Variants in RIPK2 observed in about 807,000 individuals in gnomAD.
RIPK2 encodes receptor-interacting serine/threonine-protein kinase 2.
A neutral mutation model predicts 60.9 loss-of-function variants in RIPK2; 38 were observed. The observed-to-expected ratio is 0.62, with a 90% confidence interval of 0.48 to 0.82. The LOEUF (loss-of-function observed/expected upper bound fraction) is 0.82. Among genes scored for constraint, RIPK2 ranks in the 40% least tolerant of loss-of-function variants. The probability of loss-of-function intolerance (pLI) is 0.00; values close to 1 mark genes in which losing one functional copy is unlikely to be tolerated. For missense variants in RIPK2, 518 were observed against 647.0 expected, an observed-to-expected ratio of 0.80 and a Z score of 2.16; for synonymous variants, 225 against 223.4, an observed-to-expected ratio of 1.01 and a Z score of -0.06.
In RIPK2 at chr8:89,772,651, C is replaced by CT; in HGVS notation, c.692-15dup. ...ATAATATATTACTAATGAATGCAAT[C>CT]TATTTGTTTTGACAGATGTCACCAA... On this transcript the variant is annotated splice_polypyrimidine_tract_variant and intron_variant, in intron 5 of 10. Transcript: ENST00000220751. The CT allele has an allele frequency of 6.4e-7, 1 of 1,555,638 alleles. No individual in the cohort carries two copies. The highest frequency in any genetic ancestry group is 1.4e-5 in the African/African-American group (1 of 73,150).
intron 4 of RIPK2, 65 bp from the exon 5 acceptor site, chr8:89,771,676 C>T (rs1472532641): frequency 9.4e-7 from 1 of 1,060,806 alleles, no homozygotes; most frequent in African/African-American, 1.6e-5. Context: ...AAAAATAGTG[C>T]TATTTTAGTT....
rs768408583 is a variant in RIPK2 at position 89,790,170 on chromosome 8, G to A, written c.1377G>A (p.Ser459=). The part of the protein sequence containing the change: ...NQMTEACLNQ[S]LDALLSRDLI... Reference sequence around the variant, plus strand: ...TGACAGAAGCCTGCCTTAACCAGTCGCTAGATGCCCTTCTGTCCAGGGACT... The same window carrying A: ...TGACAGAAGCCTGCCTTAACCAGTCACTAGATGCCCTTCTGTCCAGGGACT... The change falls in exon 11 of 11, where the codon TCG becomes TCA. Residue 459 remains serine, a synonymous_variant. Coordinates refer to ENST00000220751, the MANE Select transcript of RIPK2 (RefSeq NM_003821.6). The A allele has an allele frequency of 1.4e-5, 23 of 1,613,884 alleles. 1 individual carries two copies. In the South Asian group the frequency reaches 1.5e-4, roughly 11 times the overall value.
Position 89,790,617 on chromosome 8 carries a change from T to C in RIPK2, c.*201T>C, listed in dbSNP as rs1809662008. 1 of 444,230 alleles carries C rather than the reference T, an allele frequency of 2.3e-6. No homozygotes were observed. Among genetic ancestry groups the C allele is most frequent in the South Asian group, 4.4e-5 (1 of 22,540 alleles). The allele number at this position is 444,230 out of a possible 1,614,324, so 27.5% of individuals were successfully genotyped here. On this transcript the variant is annotated 3_prime_UTR_variant, in exon 11 of 11. Transcript: ENST00000220751. Reference sequence around the variant, plus strand: ...TTTGAATTTTGCTACATAGTTCAATTTTTATGTCTCTTTTGTTAACAGAAA... The same window carrying C: ...TTTGAATTTTGCTACATAGTTCAATCTTTATGTCTCTTTTGTTAACAGAAA...
Position 89,784,080 on chromosome 8 carries a change from T to C in RIPK2, c.970T>C (p.Cys324Arg). ...GAGTGTTTCAAGTGCCATTCACCTA[T>C]GTGACAAGAAGAAAATGGAATTATC... Reference protein sequence around the residue: ...LQSVSSAIHLCDKKKMELSLN... With the variant: ...LQSVSSAIHLRDKKKMELSLN... Residue 324 changes from cysteine to arginine, a missense_variant, in exon 8 of 11, where the codon TGT becomes CGT. Around this residue, in one of 3 missense-constraint regions of RIPK2, gnomAD observed 448 missense variants for 534.7 expected, o/e 0.84. Transcript: ENST00000220751. The C allele has an allele frequency of 6.3e-7, 1 of 1,581,094 alleles. No individual in the cohort carries two copies.
chr8:89,759,964 C>T (rs1333506778), intron 1 of RIPK2, among the ~76,000 whole-genome samples: 1 of 152,184 alleles, frequency 6.6e-6, no homozygotes, highest in Non-Finnish European at 1.5e-5. Context: ...AAATTCTTCA[C>T]TGAATTGGGT....
intron 6 of RIPK2, among the ~76,000 whole-genome samples, chr8:89,779,519 A>G (rs1411946011): frequency 6.6e-6 from 1 of 151,782 alleles, no homozygotes; most frequent in African/African-American, 2.4e-5. Context: ...ACGGGGTTTC[A>G]CTGTGTTAGC....
At chr8:89,758,305 C>T in intron 1 of RIPK2, 72 bp downstream of exon 1, 2 of 1,443,036 alleles carry the variant, frequency 1.4e-6, no homozygotes, top group African/African-American at 1.4e-5. Flanking sequence ...GACAAGCGGG[C>T]TCTAGAGCCC....
chr8:89,785,161 T>C (rs528735468), intron 8 of RIPK2, among the ~76,000 whole-genome samples: 19 of 152,272 alleles, frequency 1.2e-4, no homozygotes, highest in African/African-American at 4.1e-4. Flanking sequence ...TCTGACCTCA[T>C]ATGATAGGTC....
At position 89,786,670 on chromosome 8, in the gene RIPK2, C is replaced by G. The variant is rs753995384; in HGVS notation, c.1107C>G (p.Asp369Glu). The G allele has an allele frequency of 4.4e-6, 7 of 1,576,954 alleles. No individual in the cohort carries two copies. The highest frequency in any genetic ancestry group is 6.1e-6 in the Non-Finnish European group (7 of 1,152,112). The change falls in exon 9 of 11, where the codon GAC (aspartate) becomes GAG (glutamate). Residue 369 changes from aspartate to glutamate, a missense_variant. Asp to Glu is a conservative substitution (Grantham distance 45, BLOSUM62 2). Around this residue, in one of 3 missense-constraint regions of RIPK2, gnomAD observed 448 missense variants for 534.7 expected, o/e 0.84. Coordinates refer to ENST00000220751, the MANE Select transcript of RIPK2 (RefSeq NM_003821.6). ...ETSRSLPAPQ[D>E]NDFLSRKAQD... is the part of the protein sequence containing the mutation. The stretch of plus-strand genomic sequence containing the variant: ...CAAGGTCCCTGCCAGCTCCTCAAGA[C>G]AATGATTTTTTATCTAGTATGTAGA...
chr8:89,788,778 A>T (rs1426922386), intron 9 of RIPK2, among the ~76,000 whole-genome samples: 2 of 151,642 alleles, frequency 1.3e-5, no homozygotes, highest in Non-Finnish European at 2.9e-5. Flanking sequence ...AACTCCATCT[A>T]AGAAAGAGAG....
chr8:89,790,467 C>T lies in RIPK2; in HGVS notation c.*51C>T, dbSNP rs1809659183. 1 of 1,334,840 alleles carries T rather than the reference C, an allele frequency of 7.5e-7. No homozygotes were observed. The highest frequency in any genetic ancestry group is 2.4e-5 in the Admixed American group (1 of 41,276). 82.7% of individuals were successfully genotyped at this position (1,334,840 alleles called of 1,614,324 possible). On this transcript the variant is annotated 3_prime_UTR_variant, in exon 11 of 11. Transcript: ENST00000220751. Reference sequence around the variant, plus strand: ...GTTTCATAAAAGGATATTTATATCTCTGTTGCTTTGACTTTTTTTATATAA... The same window carrying T: ...GTTTCATAAAAGGATATTTATATCTTTGTTGCTTTGACTTTTTTTATATAA...
At chr8:89,780,249 A>G (rs1241956734) in intron 7 of RIPK2, 89 bp downstream of exon 7, 5 of 668,690 alleles carry the variant, frequency 7.5e-6, no homozygotes, top group Non-Finnish European at 1.3e-5. Flanking sequence ...AGTTTTTAAT[A>G]TATATACTTT....
At chr8:89,778,003 C>T (rs1451170406) in intron 6 of RIPK2, among the ~76,000 whole-genome samples, 2 of 151,932 alleles carry the variant, frequency 1.3e-5, no homozygotes, top group Admixed American at 6.6e-5. Context: ...CCAGAGTAAG[C>T]ACAAGATGCC....
intron 2 of RIPK2, among the ~76,000 whole-genome samples, chr8:89,763,191 AT>A (rs1809174233): frequency 6.6e-6 from 1 of 152,118 alleles, no homozygotes; most frequent in Non-Finnish European, 1.5e-5. Flanking sequence ...ACTCTAGATT[AT>A]TTTGCCTGGG....
At chr8:89,776,847 AAAC>A (rs1216631047) in intron 6 of RIPK2, among the ~76,000 whole-genome samples, 1 of 152,198 alleles carries the variant, frequency 6.6e-6, no homozygotes, top group Non-Finnish European at 1.5e-5. Flanking sequence ...CTCCTGCCTG[AAAC>A]AACCAAAAAA....
chr8:89,789,112 G>C (rs1809632918), intron 9 of RIPK2, among the ~76,000 whole-genome samples: 1 of 152,154 alleles, frequency 6.6e-6, no homozygotes, highest in Admixed American at 6.5e-5. Context: ...GACAATTTCT[G>C]ACAGAAATTG....
In RIPK2 at chr8:89,771,935, A is replaced by G. The variant is rs556371307; in HGVS notation, c.691+145A>G. The G allele has an allele frequency of 9.8e-5, 65 of 661,824 alleles. No individual in the cohort carries two copies. In the Middle Eastern group the frequency reaches 1.1e-3, roughly 11 times the overall value. The allele number at this position is 661,824 out of a possible 1,614,324, so 41.0% of individuals were successfully genotyped here. On this transcript the variant is annotated intron_variant, in intron 5 of 10. Coordinates refer to ENST00000220751, the MANE Select transcript of RIPK2 (RefSeq NM_003821.6). ...ACAACCATTTATCAGTTGTGAATGC[A>G]TCACATACTGCAAAATATACCGGGT...
intron 4 of RIPK2, 55 bp downstream of exon 4, chr8:89,769,984 T>A: frequency 5.9e-6 from 8 of 1,357,434 alleles, no homozygotes; most frequent in Non-Finnish European, 7.9e-6. Context: ...ACAAAATTAG[T>A]CAACCAGAAT....
intron 5 of RIPK2, 62 bp from the exon 6 acceptor site, chr8:89,772,605 A>T: frequency 1.7e-6 from 2 of 1,200,880 alleles, no homozygotes; most frequent in Non-Finnish European, 1.2e-6. Context: ...TTAGTTTTAG[A>T]TGTAAGTAAT....
Sources: gnomAD v4.1 joint callset for allele counts (sites outside exome capture counted in the v4.1 genomes callset) on GRCh38, gnomAD v4.1.1 for gene constraint, gnomAD v4.1.1 regional missense constraint, MANE v1.5 for transcripts, NCBI Gene and HGNC (gene_info 2026-07-23, HGNC 2026-07-21) for gene names.